The following TNFAIP8L2 variants were observed in gnomAD, a reference collection of about 807,000 sequenced individuals.
TNFAIP8L2 encodes the protein tumor necrosis factor alpha-induced protein 8-like protein 2.
In TNFAIP8L2, 2 loss-of-function variants were observed where a neutral mutation model predicts 5.6. That is an observed-to-expected ratio of 0.36 (90% CI 0.15 to 1.13). The LOEUF (loss-of-function observed/expected upper bound fraction) is 1.13, where lower values mean the gene tolerates loss of function less well. Ranked by LOEUF, TNFAIP8L2 falls within the 50% of genes most tolerant of loss-of-function variation. The pLI, the probability that TNFAIP8L2 is intolerant of heterozygous loss-of-function variation, is 0.40. For missense variants in TNFAIP8L2, 216 were observed against 241.8 expected, an observed-to-expected ratio of 0.89 and a Z score of 0.71; for synonymous variants, 91 against 101.1, an observed-to-expected ratio of 0.90 and a Z score of 0.60.
rs587688526 is a variant in TNFAIP8L2 at position 151,158,980 on chromosome 1, C to A, written c.283C>A (p.Arg95=). ...ALATRFRQKL[R]QGAMTALSFG... is the part of the protein sequence containing the mutation. The stretch of plus-strand genomic sequence containing the variant: ...GGCTACCCGCTTTCGCCAGAAGCTG[C>A]GGCAGGGTGCCATGACGGCACTTAG... The change falls in exon 2 of 2, where the codon CGG becomes AGG. Residue 95 remains arginine, a synonymous_variant. Coordinates refer to ENST00000368910, the MANE Select transcript of TNFAIP8L2 (RefSeq NM_024575.5). 2 of 1,614,252 alleles carry A rather than the reference C, an allele frequency of 1.2e-6. No homozygotes were observed. Among genetic ancestry groups the A allele is most frequent in the Non-Finnish European group, 8.5e-7 (1 of 1,180,048 alleles).
chr1:151,158,980 C>T lies in TNFAIP8L2; in HGVS notation c.283C>T (p.Arg95Trp), dbSNP rs587688526. 1.7e-5 allele frequency: 27 copies of T among 1,614,252 alleles called. No individual in the cohort carries two copies. The highest frequency in any genetic ancestry group is 1.1e-4 in the East Asian group (5 of 44,890). Residue 95 changes from arginine (R) to tryptophan (W), a missense_variant, in exon 2 of 2, where the codon CGG (arginine) becomes TGG (tryptophan). By Grantham distance (101) the Arg-to-Trp change is moderately radical. Transcript: ENST00000368910. ...GGCTACCCGCTTTCGCCAGAAGCTG[C>T]GGCAGGGTGCCATGACGGCACTTAG... ...ALATRFRQKL[R>W]QGAMTALSFG...
Position 151,159,063 on chromosome 1 carries a change from G to A in TNFAIP8L2, c.366G>A (p.Glu122=). ...EAAVLAGLLT[E]CRDVLLELVE... ...CTGTTCTGGCTGGCCTGCTGACCGA[G>A]TGCCGGGATGTGCTGCTAGAGTTGG... Residue 122 remains glutamate, a synonymous_variant, in exon 2 of 2, where the codon GAG becomes GAA. Transcript: ENST00000368910. 6.2e-7 allele frequency: 1 copy of A among 1,614,164 alleles called. No homozygotes were observed. Among genetic ancestry groups the A allele is most frequent in the Non-Finnish European group, 8.5e-7 (1 of 1,180,054 alleles).
At chr1:151,157,901 A>AT (rs1458146350) in intron 1 of TNFAIP8L2, among the ~76,000 whole-genome samples, 1 of 152,234 alleles carries the variant, frequency 6.6e-6, no homozygotes, top group African/African-American at 2.4e-5. Flanking sequence ...GGGCCAAAAA[A>AT]TGAGTTGCGT....
chr1:151,159,281 G>A lies in TNFAIP8L2; in HGVS notation c.*29G>A, dbSNP rs781351403. ...CCCTGAGCCTAGCACATTCCACCTT[G>A]ACAAAATGGTTGACTGAGAAAACAC... is the stretch of plus-strand genomic sequence containing the variant. On this transcript the variant is annotated 3_prime_UTR_variant, in exon 2 of 2. Coordinates refer to ENST00000368910, the MANE Select transcript of TNFAIP8L2 (RefSeq NM_024575.5). The A allele has an allele frequency of 6.3e-7, 1 of 1,582,608 alleles. No individual in the cohort carries two copies. The highest frequency in any genetic ancestry group is 1.1e-5 in the South Asian group (1 of 88,074).
chr1:151,159,057 G>A lies in TNFAIP8L2; in HGVS notation c.360G>A (p.Leu120=), dbSNP rs1448100590. ...TFEAAVLAGL[L]TECRDVLLEL... The stretch of plus-strand genomic sequence containing the variant: ...AGGCTGCTGTTCTGGCTGGCCTGCT[G>A]ACCGAGTGCCGGGATGTGCTGCTAG... The change falls in exon 2 of 2, where the codon CTG becomes CTA. Residue 120 remains leucine (L), a synonymous_variant. Transcript: ENST00000368910. 6.2e-7 allele frequency: 1 copy of A among 1,614,176 alleles called. No individual in the cohort carries two copies. Among genetic ancestry groups the A allele is most frequent in the Middle Eastern group, 1.6e-4 (1 of 6,062 alleles).
intron 1 of TNFAIP8L2, among the ~76,000 whole-genome samples, chr1:151,157,010 C>T (rs1683245012): frequency 6.6e-6 from 1 of 151,846 alleles, no homozygotes; most frequent in African/African-American, 2.4e-5. Context: ...GGGTAAGGGC[C>T]AGAGGGAGAG....
In TNFAIP8L2 at chr1:151,158,678, T is replaced by C. The variant is rs757329826; in HGVS notation, c.-20T>C. 23 of 1,554,842 alleles carry C rather than the reference T, an allele frequency of 1.5e-5. No homozygotes were observed. Among genetic ancestry groups the C allele is most frequent in the Admixed American group, 2.0e-5 (1 of 50,836 alleles). ...GCCTTTCTTCTAGTGACTGACCACATACCCCACTCTCCAGGACCCATGGAG... is the reference window on the plus strand; with the variant it reads ...GCCTTTCTTCTAGTGACTGACCACACACCCCACTCTCCAGGACCCATGGAG... On this transcript the variant is annotated 5_prime_UTR_variant, in exon 2 of 2. Transcript: ENST00000368910.
At position 151,159,147 on chromosome 1, in the gene TNFAIP8L2, C is replaced by G. The variant is rs1402442766; in HGVS notation, c.450C>G (p.Phe150Leu). The G allele has an allele frequency of 2.5e-6, 4 of 1,614,104 alleles. No individual in the cohort carries two copies. In the African/African-American group the frequency reaches 5.3e-5, roughly 22 times the overall value. Reference sequence around the variant, plus strand: ...GCATCCGCCACGTGTTTGATCACTTCTCTGACCCAGGTCTGCTCACGGCCC... The same window carrying G: ...GCATCCGCCACGTGTTTGATCACTTGTCTGACCCAGGTCTGCTCACGGCCC... ...HGRIRHVFDH[F>L]SDPGLLTALY... Residue 150 changes from phenylalanine (F) to leucine (L), a missense_variant, in exon 2 of 2, where the codon TTC becomes TTG. Coordinates refer to ENST00000368910, the MANE Select transcript of TNFAIP8L2 (RefSeq NM_024575.5).
rs1200870951 is a variant in TNFAIP8L2 at position 151,159,409 on chromosome 1, C to T, written c.*157C>T. On this transcript the variant is annotated 3_prime_UTR_variant, in exon 2 of 2. Coordinates refer to ENST00000368910, the MANE Select transcript of TNFAIP8L2 (RefSeq NM_024575.5). The stretch of plus-strand genomic sequence containing the variant: ...CTTTTGACTCTGAGACCAGCCCACC[C>T]CCAAACAGCTAGTGGAGAAGGAGCA... 6.7e-6 allele frequency: 5 copies of T among 750,288 alleles called. No individual in the cohort carries two copies. In the East Asian group the frequency reaches 1.1e-4, roughly 16 times the overall value. The allele number at this position is 750,288 out of a possible 1,614,324, so 46.5% of individuals were successfully genotyped here.
At position 151,158,742 on chromosome 1, in the gene TNFAIP8L2, G is replaced by T. The variant is rs763359890; in HGVS notation, c.45G>T (p.Lys15Asn). Residue 15 changes from lysine (K) to asparagine (N), a missense_variant, in exon 2 of 2, where the codon AAG becomes AAT. Transcript: ENST00000368910. The stretch of plus-strand genomic sequence containing the variant: ...AGAGCCTGGCACTGCAAGCAGAGAA[G>T]AAGCTACTGAGTAAGATGGCGGGTC... ...SSKSLALQAE[K>N]KLLSKMAGRS... 6.2e-7 allele frequency: 1 copy of T among 1,613,000 alleles called. No homozygotes were observed. Among genetic ancestry groups the T allele is most frequent in the Non-Finnish European group, 8.5e-7 (1 of 1,179,318 alleles).
At chr1:151,158,288 A>G (rs1683296545) in intron 1 of TNFAIP8L2, among the ~76,000 whole-genome samples, 1 of 149,918 alleles carries the variant, frequency 6.7e-6, no homozygotes, top group Non-Finnish European at 1.5e-5. Flanking sequence ...ACACCACTGC[A>G]CTCCAGCCTG....
chr1:151,158,878 A>G lies in TNFAIP8L2; in HGVS notation c.181A>G (p.Lys61Glu). ...HSRPQAQRVI[K>E]DLIKVAIKVA... ...CCGGCCCCAGGCCCAGCGCGTGATC[A>G]AGGACCTGATCAAAGTGGCCATCAA... Residue 61 changes from lysine (K) to glutamate (E), a missense_variant, in exon 2 of 2, where the codon AAG becomes GAG. By Grantham distance (56) the Lys-to-Glu change is moderately conservative. Transcript: ENST00000368910. 6.2e-7 allele frequency: 1 copy of G among 1,614,222 alleles called. No homozygotes were observed. Among genetic ancestry groups the G allele is most frequent in the East Asian group, 2.2e-5 (1 of 44,870 alleles).
rs1683325505 is a variant in TNFAIP8L2 at position 151,158,830 on chromosome 1, G to A, written c.133G>A (p.Val45Met). The part of the protein sequence containing the change: ...SSEVLDELYR[V>M]SKEYTHSRPQ... ...TGAGGTGCTAGATGAGCTCTACCGT[G>A]TGTCCAAGGAGTACACGCACAGCCG... The change falls in exon 2 of 2, where the codon GTG becomes ATG. Residue 45 changes from valine to methionine, a missense_variant. Coordinates refer to ENST00000368910, the MANE Select transcript of TNFAIP8L2 (RefSeq NM_024575.5). 1 of 1,614,156 alleles carries A rather than the reference G, an allele frequency of 6.2e-7. No homozygotes were observed. Among genetic ancestry groups the A allele is most frequent in the African/African-American group, 1.3e-5 (1 of 75,030 alleles).
chr1:151,158,365 C>T (rs748680834), intron 1 of TNFAIP8L2, among the ~76,000 whole-genome samples: 1 of 151,614 alleles, frequency 6.6e-6, no homozygotes, highest in Non-Finnish European at 1.5e-5. Context: ...TAAGCCCTGT[C>T]TTCACTGCAG....
Sources: gnomAD v4.1 joint callset for allele counts (sites outside exome capture counted in the v4.1 genomes callset) on GRCh38, gnomAD v4.1.1 for gene constraint, MANE v1.5 for transcripts, NCBI Gene and HGNC (gene_info 2026-07-23, HGNC 2026-07-21) for gene names.